PCDHA13: variants seen among roughly 807,000 people sequenced by gnomAD.
PCDHA13 encodes the protein protocadherin alpha-13.
A neutral mutation model predicts 64.8 loss-of-function variants in PCDHA13; 54 were observed. That is an observed-to-expected ratio of 0.83 (90% CI 0.67 to 1.04). The LOEUF (loss-of-function observed/expected upper bound fraction) is 1.04. PCDHA13 is among the 50% of genes least tolerant of loss of function. The pLI, the probability that PCDHA13 is intolerant of heterozygous loss-of-function variation, is 0.00. For missense variants in PCDHA13, 1,248 were observed against 1,254.3 expected (o/e 0.99, Z 0.08); for synonymous variants, 587 against 564.4 (o/e 1.04, Z -0.57).
At chr5:140,978,594 G>C (rs184264823) in intron 1 of PCDHA13, among the ~76,000 whole-genome samples, 31 of 152,288 alleles carry the variant, frequency 2.0e-4, no homozygotes, top group African/African-American at 7.5e-4. Flanking sequence ...CCCTTAATGG[G>C]GCACTTGAGG....
rs782282264 is a variant in PCDHA13, at chr5:141,009,955, A to C, written c.*18A>C. The C allele has an allele frequency of 6.3e-7, 1 of 1,592,536 alleles. No homozygotes were observed. The highest frequency in any genetic ancestry group is 2.2e-5 in the East Asian group (1 of 44,734). ...ACCAGTGAGGTCCTCAAATGGAAAC[A>C]AGCCACTTAGCCAGTTTTTGTAATA... is the stretch of plus-strand genomic sequence containing the variant. On this transcript the variant is annotated 3_prime_UTR_variant, in exon 4 of 4. Coordinates refer to ENST00000289272, the MANE Select transcript of PCDHA13 (RefSeq NM_018904.3).
chr5:140,954,383 T>C (rs1333017700), intron 1 of PCDHA13, among the ~76,000 whole-genome samples: 6 of 152,208 alleles, frequency 3.9e-5, no homozygotes, highest in African/African-American at 1.4e-4. Context: ...ATGAGTGAAC[T>C]AATTTACAAC....
intron 1 of PCDHA13, chr5:140,929,486 T>G (rs1258020318): frequency 8.8e-7 from 1 of 1,141,828 alleles, no homozygotes; most frequent in Non-Finnish European, 1.2e-6. Flanking sequence ...TATAGAAGTA[T>G]TAGAAGATTG....
chr5:140,971,091 T>G (rs1355075556), intron 1 of PCDHA13, among the ~76,000 whole-genome samples: 1 of 152,180 alleles, frequency 6.6e-6, no homozygotes, highest in Non-Finnish European at 1.5e-5. Flanking sequence ...AACAAATTCT[T>G]GTGAAGCCCT....
intron 1 of PCDHA13, among the ~76,000 whole-genome samples, chr5:140,953,372 A>G (rs1472097697): frequency 6.6e-6 from 1 of 151,982 alleles, no homozygotes; most frequent in Non-Finnish European, 1.5e-5. Flanking sequence ...AGGATTCTCT[A>G]CCCCTCTCAG....
chr5:140,957,591 C>T (rs1554223040), intron 1 of PCDHA13, among the ~76,000 whole-genome samples: 1 of 151,946 alleles, frequency 6.6e-6, no homozygotes, highest in African/African-American at 2.4e-5. Flanking sequence ...CAAAGCACTT[C>T]CCAGAATAAA....
At chr5:140,946,287 A>G (rs1484519782) in intron 1 of PCDHA13, among the ~76,000 whole-genome samples, 1 of 152,032 alleles carries the variant, frequency 6.6e-6, no homozygotes, top group African/African-American at 2.4e-5. Flanking sequence ...ATGAGATATC[A>G]CCTCACACCT....
In PCDHA13 at chr5:140,946,631, T is replaced by TATATATATATATATATATATAC. The variant is rs57893927; in HGVS notation, c.2395-32317_2395-32316insTATATATATATATATATATACA. 3.0e-3 allele frequency among the ~76,000 whole-genome samples: 389 copies of TATATATATATATATATATATAC among 131,774 alleles called. 27 individuals are homozygous for TATATATATATATATATATATAC. The highest frequency in any genetic ancestry group is 0.013 in the African/African-American group (369 of 28,648). 86.4% of individuals were successfully genotyped at this position (131,774 alleles called of 152,430 possible). A position where few individuals can be genotyped will look rare whatever the true frequency, so the allele number is the denominator to read the frequency against. ...TGTGAAATATATATATATATATATA[T>TATATATATATATATATATATAC]ACAATGGAATACTCATCAGCCATTA... On this transcript the variant is annotated intron_variant, in intron 1 of 3. Coordinates refer to ENST00000289272, the MANE Select transcript of PCDHA13 (RefSeq NM_018904.3).
intron 1 of PCDHA13, among the ~76,000 whole-genome samples, chr5:140,899,664 G>A (rs1263525075): frequency 2.0e-5 from 3 of 152,126 alleles, no homozygotes; most frequent in African/African-American, 4.8e-5. Context: ...GTCTCTGCCC[G>A]GCTTTGGTAT....
chr5:140,946,631 T>TATATATATATATAC (rs57893927), intron 1 of PCDHA13, among the ~76,000 whole-genome samples: 2,707 of 131,678 alleles, frequency 0.021, 122 homozygotes, highest in African/African-American at 0.036. Flanking sequence ...TATATATATA[T>TATATATATATATAC]ACAATGGAAT....
chr5:140,898,999 A>G (rs2067088188), intron 1 of PCDHA13, among the ~76,000 whole-genome samples: 2 of 151,690 alleles, frequency 1.3e-5, no homozygotes, highest in African/African-American at 4.8e-5. Context: ...TTTGTCTGTT[A>G]TTGGTGTATA....
chr5:140,954,282 T>C (rs1554221335), intron 1 of PCDHA13, among the ~76,000 whole-genome samples: 1 of 152,220 alleles, frequency 6.6e-6, no homozygotes. Context: ...TGATTTATAT[T>C]CCTTTGGGTA....
Position 141,005,651 on chromosome 5 carries a change from G to A in PCDHA13, c.2543-3976G>A, listed in dbSNP as rs1554260215. ...CGGGAGGCGGAGCTTGCAGTGAGTC[G>A]AGATCGCGCCACTGCACTCCAGCCT... On this transcript the variant is annotated intron_variant, in intron 3 of 3. Coordinates refer to ENST00000289272, the MANE Select transcript of PCDHA13 (RefSeq NM_018904.3). Among the ~76,000 whole-genome samples, 4 of 131,238 alleles carry A rather than the reference G, an allele frequency of 3.0e-5. No homozygotes were observed. In the East Asian group the frequency reaches 7.0e-4, roughly 23 times the overall value. The allele number at this position is 131,238 out of a possible 152,430, so 86.1% of individuals were successfully genotyped here.
At chr5:140,967,233 A>G in intron 1 of PCDHA13, 1 of 1,613,728 alleles carries the variant, frequency 6.2e-7, no homozygotes, top group South Asian at 1.1e-5. Context: ...TACCAGCTTC[A>G]GGTAAGCGAA....
At chr5:140,931,323 T>A (rs912582961) in intron 1 of PCDHA13, among the ~76,000 whole-genome samples, 1 of 152,110 alleles carries the variant, frequency 6.6e-6, no homozygotes, top group Non-Finnish European at 1.5e-5. Context: ...CAGTAATGGC[T>A]GTAAAGTTTG....
Position 140,884,355 on chromosome 5 carries a change from T to C in PCDHA13, c.2087T>C (p.Val696Ala). The change falls in exon 1 of 4, where the codon GTC (valine) becomes GCC (alanine). Residue 696 changes from valine (V) to alanine (A), a missense_variant. Coordinates refer to ENST00000289272, the MANE Select transcript of PCDHA13 (RefSeq NM_018904.3). ...AVGPEAALVD[V>A]NVYLIIAICA... ...GGTCCAGAAGCGGCGCTGGTGGATG[T>C]CAATGTTTACTTGATCATTGCCATC... 6.2e-7 allele frequency: 1 copy of C among 1,613,922 alleles called. No individual in the cohort carries two copies. The highest frequency in any genetic ancestry group is 1.7e-5 in the Admixed American group (1 of 60,028).
At chr5:140,910,485 A>G (rs1251216481) in intron 1 of PCDHA13, among the ~76,000 whole-genome samples, 1 of 152,206 alleles carries the variant, frequency 6.6e-6, no homozygotes. Flanking sequence ...TGGCATACAG[A>G]GAAGAGCAAT....
chr5:140,978,915 A>T, intron 1 of PCDHA13, 34 bp from the exon 2 acceptor site: 3 of 1,613,970 alleles, frequency 1.9e-6, no homozygotes, highest in Non-Finnish European at 2.5e-6. Flanking sequence ...TTGTCTTGTC[A>T]TTTTAACAGA....
At chr5:140,999,426 A>G (rs1456581917) in intron 3 of PCDHA13, among the ~76,000 whole-genome samples, 2 of 152,204 alleles carry the variant, frequency 1.3e-5, no homozygotes, top group Middle Eastern at 3.2e-3. Context: ...TAAGAGGCCA[A>G]GTACCTTGCC....
Sources: gnomAD v4.1 joint callset for allele counts (sites outside exome capture counted in the v4.1 genomes callset) on GRCh38, gnomAD v4.1.1 for gene constraint, MANE v1.5 for transcripts, NCBI Gene and HGNC (gene_info 2026-07-23, HGNC 2026-07-21) for gene names.